The following UGT1A4 variants were observed in gnomAD, a reference collection of about 807,000 sequenced individuals.
UGT1A4 encodes UDP glucuronosyltransferase family 1 member A4.
UGT1A4 carries 32 observed loss-of-function variants against 41.1 expected under a neutral mutation model. The ratio of observed to expected loss-of-function variants is 0.78; its 90% confidence interval spans 0.59 to 1.05. The LOEUF is 1.05. UGT1A4 is among the 50% of genes least tolerant of loss of function. UGT1A4 has a pLI of 0.00. For missense variants in UGT1A4, 748 were observed against 677.4 expected (o/e 1.10, Z -1.16); for synonymous variants, 283 against 265.1 (o/e 1.07, Z -0.66).
At chr2:233,761,180 C>T (rs374898247) in intron 1 of UGT1A4, 24 of 1,614,008 alleles carry the variant, frequency 1.5e-5, no homozygotes, top group Non-Finnish European at 1.8e-5. Flanking sequence ...CTTTTACATG[C>T]GTATATTCTT....
intron 1 of UGT1A4, among the ~76,000 whole-genome samples, chr2:233,739,420 AG>A (rs1432310727): frequency 3.3e-5 from 5 of 152,220 alleles, no homozygotes; most frequent in African/African-American, 1.2e-4. Flanking sequence ...GAAAGCAGCC[AG>A]GACGAGGGCT....
chr2:233,764,801 C>T (rs1177973907), intron 1 of UGT1A4, among the ~76,000 whole-genome samples: 8 of 152,184 alleles, frequency 5.3e-5, no homozygotes, highest in African/African-American at 1.9e-4. Context: ...GGTGTTCTTG[C>T]TACAAACCAA....
intron 1 of UGT1A4, among the ~76,000 whole-genome samples, chr2:233,757,699 C>A (rs572469741): frequency 4.0e-5 from 6 of 151,562 alleles, no homozygotes; most frequent in Non-Finnish European, 8.8e-5. Context: ...AGGAAGGTGG[C>A]TTTGCTTCCC....
At chr2:233,733,279 T>C (rs2078376954) in intron 1 of UGT1A4, among the ~76,000 whole-genome samples, 1 of 152,208 alleles carries the variant, frequency 6.6e-6, no homozygotes, top group Non-Finnish European at 1.5e-5. Flanking sequence ...CTTCCTCTTT[T>C]CCTAATTGAA....
At chr2:233,739,813 T>G (rs1439144869) in intron 1 of UGT1A4, among the ~76,000 whole-genome samples, 1 of 151,900 alleles carries the variant, frequency 6.6e-6, no homozygotes, top group Non-Finnish European at 1.5e-5. Context: ...GCATGATTGG[T>G]TTTTAAATGT....
intron 1 of UGT1A4, among the ~76,000 whole-genome samples, chr2:233,733,415 C>T (rs778280209): frequency 6.6e-5 from 10 of 152,224 alleles, no homozygotes; most frequent in East Asian, 1.9e-4. Context: ...TTCCAGTTTT[C>T]GCCTACTCAG....
chr2:233,721,912 C>T (rs2125685075), intron 1 of UGT1A4: 6 of 427,588 alleles, frequency 1.4e-5, no homozygotes, highest in Middle Eastern at 5.8e-4. Context: ...GTGCACACTG[C>T]TTCCATAAAG....
chr2:233,736,460 A>G (rs1342574700), intron 1 of UGT1A4, among the ~76,000 whole-genome samples: 1 of 152,154 alleles, frequency 6.6e-6, no homozygotes, highest in Non-Finnish European at 1.5e-5. Context: ...TCGAACATGC[A>G]CTTTTAGCTT....
intron 2 of UGT1A4, 147 bp from the exon 3 acceptor site, chr2:233,767,702 C>A: frequency 1.3e-6 from 2 of 1,514,192 alleles, no homozygotes; most frequent in Non-Finnish European, 1.8e-6. Flanking sequence ...AGTTGCCAGT[C>A]CTCAGAAGCC....
intron 2 of UGT1A4, 103 bp downstream of exon 2, chr2:233,767,268 G>C: frequency 6.3e-7 from 1 of 1,584,094 alleles, no homozygotes; most frequent in Non-Finnish European, 8.5e-7. Flanking sequence ...CCTTAGATTT[G>C]GCTTTTCCCT....
chr2:233,767,827 C>T (rs1252355867), intron 2 of UGT1A4, 22 bp from the exon 3 acceptor site: 1 of 1,614,176 alleles, frequency 6.2e-7, no homozygotes, highest in Non-Finnish European at 8.5e-7. Flanking sequence ...TCTTTACGTT[C>T]TGCTCTTTTT....
intron 1 of UGT1A4, among the ~76,000 whole-genome samples, chr2:233,719,971 C>T (rs1172487413): frequency 6.6e-6 from 1 of 152,170 alleles, no homozygotes; most frequent in Non-Finnish European, 1.5e-5. Context: ...GCATGTCCTT[C>T]AGCTCGGCAG....
rs774677126 is a variant in UGT1A4 at position 233,772,538 on chromosome 2, C to A, written c.1584C>A (p.Ala528=). The change falls in exon 5 of 5, where the codon GCC becomes GCA. Residue 528 remains alanine, a synonymous_variant. Coordinates refer to ENST00000373409, the MANE Select transcript of UGT1A4 (RefSeq NM_007120.3). ...CLGKKGRVKK[A]HKSKTH ...GGAAAAAAGGGCGAGTTAAGAAAGC[C>A]CACAAATCCAAGACCCATTGAGAAG... The A allele has an allele frequency of 3.7e-6, 6 of 1,613,922 alleles. No homozygotes were observed. The Admixed American group carries it at 8.3e-5, about 22-fold the overall frequency.
chr2:233,755,338 G>A (rs569505432), intron 1 of UGT1A4: 1 of 431,822 alleles, frequency 2.3e-6, no homozygotes, highest in Non-Finnish European at 4.0e-6. Flanking sequence ...CCCGCGCACA[G>A]GTCAGAGGCT....
chr2:233,750,227 A>G (rs977533582), intron 1 of UGT1A4, among the ~76,000 whole-genome samples: 2 of 151,900 alleles, frequency 1.3e-5, no homozygotes, highest in African/African-American at 4.9e-5. Context: ...GAGATGAGGA[A>G]CTTATTGGGA....
At chr2:233,750,863 G>A (rs1036231248) in intron 1 of UGT1A4, 1 of 151,894 alleles carries the variant, frequency 6.6e-6, no homozygotes, top group Non-Finnish European at 1.5e-5. Context: ...CCAGGCAGAA[G>A]TTTGCTGCAT....
rs373069908 is a variant in UGT1A4, at chr2:233,718,914, T to G, written c.94T>G (p.Leu32Val). Residue 32 changes from leucine (L) to valine (V), a missense_variant, in exon 1 of 5, where the codon TTG (leucine) becomes GTG (valine). Physicochemically the swap from Leu to Val is conservative, Grantham distance 32. Coordinates refer to ENST00000373409, the MANE Select transcript of UGT1A4 (RefSeq NM_007120.3). Reference sequence around the variant, plus strand: ...GCCCTGGGCTGAGAGTGGAAAGGTGTTGGTGGTGCCCACTGATGGCAGCCC... The same window carrying G: ...GCCCTGGGCTGAGAGTGGAAAGGTGGTGGTGGTGCCCACTGATGGCAGCCC... ...VQPWAESGKV[L>V]VVPTDGSPWL... 6.2e-6 allele frequency: 10 copies of G among 1,614,066 alleles called. No homozygotes were observed. In the East Asian group the frequency reaches 1.8e-4, roughly 29 times the overall value.
chr2:233,731,097 C>G (rs1453448635), intron 1 of UGT1A4, among the ~76,000 whole-genome samples: 1 of 151,946 alleles, frequency 6.6e-6, no homozygotes, highest in African/African-American at 2.4e-5. Flanking sequence ...ATTTCTGTGC[C>G]TTTTTTATAA....
At chr2:233,734,939 T>C (rs1485596557) in intron 1 of UGT1A4, among the ~76,000 whole-genome samples, 1 of 152,222 alleles carries the variant, frequency 6.6e-6, no homozygotes, top group Non-Finnish European at 1.5e-5. Flanking sequence ...TACAATCATA[T>C]GGTCAGTTTT....
Sources: allele counts gnomAD v4.1 joint callset (sites outside exome capture counted in the v4.1 genomes callset), GRCh38; gene constraint gnomAD v4.1.1; transcripts MANE v1.5; gene names NCBI Gene and HGNC (gene_info 2026-07-23, HGNC 2026-07-21).